Variants in NRXN1 observed in about 807,000 individuals in gnomAD.
NRXN1 encodes the protein neurexin-1.
In NRXN1, 39 loss-of-function variants were observed where a neutral mutation model predicts 150.9. That is an observed-to-expected ratio of 0.26 (90% CI 0.20 to 0.34). The LOEUF (loss-of-function observed/expected upper bound fraction) is 0.34, where lower values mean the gene tolerates loss of function less well. Among genes scored for constraint, NRXN1 ranks in the 10% least tolerant of loss-of-function variants. The probability of loss-of-function intolerance (pLI) is 1.00; values close to 1 mark genes in which losing one functional copy is unlikely to be tolerated. For synonymous variants in NRXN1, 924 were observed against 757.0 expected (o/e 1.22, Z -3.62); for missense variants, 1,815 against 1,949.9 (o/e 0.93, Z 1.30).
intron 2 of NRXN1, chr2:51,026,452 G>A (rs367919055): frequency 6.2e-7 from 1 of 1,602,198 alleles, no homozygotes; most frequent in Non-Finnish European, 8.5e-7. Flanking sequence ...AAAACACACT[G>A]AAGACCGAAT....
intron 2 of NRXN1, among the ~76,000 whole-genome samples, chr2:50,939,897 A>G (rs1689141206): frequency 6.6e-6 from 1 of 152,198 alleles, no homozygotes; most frequent in Non-Finnish European, 1.5e-5. Context: ...CAGAAACAAC[A>G]GAACCACCCA....
chr2:50,656,505 G>T (rs1559083160), intron 5 of NRXN1: 2 of 633,364 alleles, frequency 3.2e-6, no homozygotes. Context: ...AGGTCTGGGG[G>T]TGAAAGGGGA....
rs1407056454 is a variant in NRXN1, at chr2:50,269,889, C to G, written c.3365-32919G>C. On this transcript the variant is annotated intron_variant, in intron 17 of 22. Transcript: ENST00000401669. Reference sequence around the variant, plus strand: ...TTAAATTTTACTCTAGTTTTTCTTTCTATTTCCCTCCATAAGGAATTTATA... The same window carrying G: ...TTAAATTTTACTCTAGTTTTTCTTTGTATTTCCCTCCATAAGGAATTTATA... 3.3e-5 allele frequency among the ~76,000 whole-genome samples: 5 copies of G among 152,212 alleles called. No homozygotes were observed. In the East Asian group the frequency reaches 9.6e-4, roughly 29 times the overall value.
chr2:50,768,705 C>T (rs939126628), intron 5 of NRXN1, among the ~76,000 whole-genome samples: 2 of 151,958 alleles, frequency 1.3e-5, no homozygotes, highest in Non-Finnish European at 2.9e-5. Flanking sequence ...AGAGAAGATG[C>T]TATGTGGAAG....
chr2:50,442,113 G>A (rs1046113491), intron 17 of NRXN1, among the ~76,000 whole-genome samples: 2 of 152,120 alleles, frequency 1.3e-5, no homozygotes, highest in African/African-American at 4.8e-5. Flanking sequence ...AAGTACCCAA[G>A]AATGAGACTT....
chr2:50,402,503 C>A (rs748193114), intron 17 of NRXN1, among the ~76,000 whole-genome samples: 1 of 151,990 alleles, frequency 6.6e-6, no homozygotes, highest in Non-Finnish European at 1.5e-5. Flanking sequence ...ACCCTTGAAA[C>A]GGTAATCAGC....
At chr2:50,510,485 CAAAAAAAAAAA>C (rs540578029) in intron 12 of NRXN1, among the ~76,000 whole-genome samples, 5 of 39,686 alleles carry the variant, frequency 1.3e-4, no homozygotes, top group African/African-American at 5.0e-4. Context: ...GACTCCATCT[CAAAAAAAAAAA>C]AAAAAAAAAA....
At chr2:50,481,455 T>G (rs376336685) in intron 15 of NRXN1, among the ~76,000 whole-genome samples, 1 of 152,232 alleles carries the variant, frequency 6.6e-6, no homozygotes, top group Non-Finnish European at 1.5e-5. Context: ...AGAATTCTTA[T>G]GTTCAAAACT....
chr2:50,701,098 G>C (rs977248832), intron 5 of NRXN1, among the ~76,000 whole-genome samples: 1 of 152,048 alleles, frequency 6.6e-6, no homozygotes, highest in Non-Finnish European at 1.5e-5. Context: ...CATTAAAGTA[G>C]GCCTTTCCTT....
intron 17 of NRXN1, among the ~76,000 whole-genome samples, chr2:50,301,415 G>A (rs2074137996): frequency 6.6e-6 from 1 of 152,108 alleles, no homozygotes; most frequent in Non-Finnish European, 1.5e-5. Context: ...CCATATACTT[G>A]GTCATACCAT....
Position 50,346,560 on chromosome 2 carries a change from A to T in NRXN1, c.3365-109590T>A. 1 of 957,750 alleles carries T rather than the reference A, an allele frequency of 1.0e-6. No individual in the cohort carries two copies. The highest frequency in any genetic ancestry group is 1.6e-6 in the Non-Finnish European group (1 of 617,340). 59.3% of individuals were successfully genotyped at this position (957,750 alleles called of 1,614,324 possible). On this transcript the variant is annotated intron_variant, in intron 17 of 22. Transcript: ENST00000401669. This position sits in a 1 kb window ranked among gnomAD's most constrained non-coding sequence, Gnocchi z 5.0. ...TTCAAAGAGATAAGTGGCTCGCACC[A>T]AGCACACCCAAATGCACCTCCCTTT...
At chr2:50,425,667 C>T (rs1416561909) in intron 17 of NRXN1, among the ~76,000 whole-genome samples, 8 of 152,216 alleles carry the variant, frequency 5.3e-5, no homozygotes, top group African/African-American at 1.9e-4. Context: ...GGTTCATTTT[C>T]CTTTGTTAAA....
intron 15 of NRXN1, among the ~76,000 whole-genome samples, chr2:50,483,359 A>G (rs2090621122): frequency 6.6e-6 from 1 of 152,140 alleles, no homozygotes; most frequent in Non-Finnish European, 1.5e-5. Flanking sequence ...AAGTATACTC[A>G]GTTCAGCAGT....
At chr2:50,901,379 CA>C (rs943884366) in intron 5 of NRXN1, among the ~76,000 whole-genome samples, 1 of 151,352 alleles carries the variant, frequency 6.6e-6, no homozygotes, top group Non-Finnish European at 1.5e-5. Context: ...ACTAAAAATA[CA>C]AAAAAAATTA....
chr2:49,975,076 AGAT>A lies in NRXN1; in HGVS notation c.4129-31288_4129-31286del, dbSNP rs1414463888. 1.8e-4 allele frequency among the ~76,000 whole-genome samples: 27 copies of A among 150,906 alleles called. No individual in the cohort carries two copies. The South Asian group carries it at 5.6e-3, about 31-fold the overall frequency. On this transcript the variant is annotated intron_variant, in intron 21 of 22. Transcript: ENST00000401669. The stretch of plus-strand genomic sequence containing the variant: ...TATGTTTACACACTTCTTCAATGTG[AGAT>A]GATTATATATAGTTATATATACATA...
chr2:50,814,517 A>G (rs1321802293), intron 5 of NRXN1, among the ~76,000 whole-genome samples: 1 of 152,134 alleles, frequency 6.6e-6, no homozygotes, highest in African/African-American at 2.4e-5. Flanking sequence ...ATGGAAGAAC[A>G]AAAAAGAAGA....
At chr2:50,955,461 C>G (rs1692130057) in intron 2 of NRXN1, among the ~76,000 whole-genome samples, 1 of 152,114 alleles carries the variant, frequency 6.6e-6, no homozygotes, top group Admixed American at 6.5e-5. Context: ...TTAAAGCAGG[C>G]TTTTTAAAAA....
At chr2:49,973,747 T>C in intron 21 of NRXN1, 1 of 541,902 alleles carries the variant, frequency 1.8e-6, no homozygotes, top group Non-Finnish European at 3.3e-6. Flanking sequence ...TTAAGGACAT[T>C]TTAAAATTTA....
chr2:51,016,458 CT>C (rs1259688282), intron 2 of NRXN1, among the ~76,000 whole-genome samples: 1 of 152,154 alleles, frequency 6.6e-6, no homozygotes, highest in African/African-American at 2.4e-5. Flanking sequence ...TGAACAGACA[CT>C]TTTCAAAAGA....
Sources: gnomAD v4.1 joint callset for allele counts (sites outside exome capture counted in the v4.1 genomes callset) on GRCh38, gnomAD v4.1.1 for gene constraint, Gnocchi (gnomAD v3.1) non-coding constraint, MANE v1.5 for transcripts, NCBI Gene and HGNC (gene_info 2026-07-23, HGNC 2026-07-21) for gene names.